ALOX12B: variants seen among roughly 807,000 people sequenced by gnomAD.
The protein encoded by ALOX12B is arachidonate 12-lipoxygenase, 12R-type.
A neutral mutation model predicts 78.9 loss-of-function variants in ALOX12B; 47 were observed. The ratio of observed to expected loss-of-function variants is 0.60; its 90% CI spans 0.47 to 0.76. The LOEUF (loss-of-function observed/expected upper bound fraction) is 0.76, where lower values mean the gene tolerates loss of function less well. ALOX12B is among the 30% of genes least tolerant of loss of function. The pLI, the probability that ALOX12B is intolerant of heterozygous loss-of-function variation, is 0.00. For synonymous variants in ALOX12B, 370 were observed against 374.5 expected, an observed-to-expected ratio of 0.99 and a Z score of 0.14; for missense variants, 805 against 922.6, an observed-to-expected ratio of 0.87 and a Z score of 1.65.
chr17:8,079,653 G>T lies in ALOX12B; in HGVS notation c.928-114C>A. On this transcript the variant is annotated intron_variant, in intron 7 of 14. Coordinates refer to ENST00000647874, the MANE Select transcript of ALOX12B (RefSeq NM_001139.3). The surrounding 1 kb of genome is among the most constrained non-coding windows in gnomAD (Gnocchi z 6.4). ...GGGGCAGGGGTGGGACGGGGACAGG[G>T]ACGCGGGGTGCGGGCTTGCCTGGGA... 1 of 1,533,566 alleles carries T rather than the reference G, an allele frequency of 6.5e-7. No homozygotes were observed. The highest frequency in any genetic ancestry group is 2.3e-4 in the Middle Eastern group (1 of 4,376). 95.0% of individuals were successfully genotyped at this position (1,533,566 alleles called of 1,614,324 possible).
chr17:8,080,347 T>C lies in ALOX12B; in HGVS notation c.651-9A>G. ...CTTTGAAAGCCAGTGCCCTAGGAGA[T>C]GGGATTCCAGGAAGAGGCCTTCAGA... On this transcript the variant is annotated splice_polypyrimidine_tract_variant and intron_variant, in intron 5 of 14. Coordinates refer to ENST00000647874, the MANE Select transcript of ALOX12B (RefSeq NM_001139.3). The surrounding 1 kb of genome is among the most constrained non-coding windows in gnomAD (Gnocchi z 4.8). The C allele has an allele frequency of 1.2e-6, 2 of 1,614,010 alleles. No individual in the cohort carries two copies. Among genetic ancestry groups the C allele is most frequent in the Non-Finnish European group, 1.7e-6 (2 of 1,179,916 alleles).
At position 8,086,216 on chromosome 17, in the gene ALOX12B, C is replaced by G. The variant is rs779784019; in HGVS notation, c.152G>C (p.Gly51Ala). Reference protein sequence around the residue: ...FGRDFATGAVGQYTVQCPQDL... With the variant: ...FGRDFATGAVAQYTVQCPQDL... ...CTGAGGGCACTGCACGGTGTACTGG[C>G]CCACCTAGGCAGGATGCAAGCCTGG... Residue 51 changes from glycine (G) to alanine (A), a missense_variant, in exon 2 of 15, where the codon GGC becomes GCC. Coordinates refer to ENST00000647874, the MANE Select transcript of ALOX12B (RefSeq NM_001139.3). 2.5e-6 allele frequency: 4 copies of G among 1,613,714 alleles called. No homozygotes were observed. In the Admixed American group the frequency reaches 5.0e-5, roughly 20 times the overall value.
chr17:8,077,699 C>CT (rs1977117355), intron 8 of ALOX12B, among the ~76,000 whole-genome samples: 4 of 152,208 alleles, frequency 2.6e-5, no homozygotes, highest in African/African-American at 9.7e-5. Context: ...AAGGAAACAC[C>CT]CAGTTCCTTC....
Position 8,073,245 on chromosome 17 carries a change from G to A in ALOX12B, c.1829C>T (p.Thr610Ile), listed in dbSNP as rs773052129. The part of the protein sequence containing the change: ...RNPPIQTKGL[T>I]TLETFMDTLP... ...CGTGTCCATGAAGGTCTCCAGAGTG[G>A]TCAGCCCCTTAGTCTGAATCGGTGG... Residue 610 changes from threonine to isoleucine, a missense_variant, in exon 14 of 15, where the codon ACC (threonine) becomes ATC (isoleucine). By Grantham distance (89) the Thr-to-Ile change is moderately conservative. Coordinates refer to ENST00000647874, the MANE Select transcript of ALOX12B (RefSeq NM_001139.3). 114 of 1,614,092 alleles carry A rather than the reference G, an allele frequency of 7.1e-5. No homozygotes were observed. The highest frequency in any genetic ancestry group is 8.3e-5 in the Non-Finnish European group (98 of 1,180,052).
chr17:8,083,497 A>C (rs1029591456), intron 2 of ALOX12B, among the ~76,000 whole-genome samples: 2 of 152,118 alleles, frequency 1.3e-5, no homozygotes, highest in Admixed American at 6.5e-5. Flanking sequence ...TTGGGCGGCC[A>C]AGGCAGGTGG....
chr17:8,086,344 G>C, intron 1 of ALOX12B, 124 bp from the exon 2 acceptor site: 1 of 954,664 alleles, frequency 1.0e-6, no homozygotes, highest in East Asian at 2.6e-5. Context: ...CTGGACTGAC[G>C]GAGGGACAGG....
intron 12 of ALOX12B, among the ~76,000 whole-genome samples, chr17:8,074,368 G>A (rs374881427): frequency 9.9e-5 from 15 of 151,906 alleles, no homozygotes; most frequent in African/African-American, 2.9e-4. Context: ...CTCCCTAACC[G>A]CTCCTCCTTT....
Position 8,079,668 on chromosome 17 carries a change from C to T in ALOX12B, c.927+101G>A, listed in dbSNP as rs1025001517. 5.1e-5 allele frequency: 79 copies of T among 1,539,012 alleles called. No individual in the cohort carries two copies. Among genetic ancestry groups the T allele is most frequent in the Non-Finnish European group, 6.8e-5 (77 of 1,140,188 alleles). On this transcript the variant is annotated intron_variant, in intron 7 of 14. Transcript: ENST00000647874. The surrounding 1 kb of genome is among the most constrained non-coding windows in gnomAD (Gnocchi z 6.4). ...CGGGGACAGGGACGCGGGGTGCGGG[C>T]TTGCCTGGGACTGGCGCGGGCGCCG...
At chr17:8,073,818 A>C (rs1977031709) in intron 12 of ALOX12B, 61 bp from the exon 13 acceptor site, 1 of 1,355,156 alleles carries the variant, frequency 7.4e-7, no homozygotes. Context: ...GCTGCCCGGC[A>C]GAGGGCGCCA....
Position 8,086,023 on chromosome 17 carries a change from C to A in ALOX12B, c.345G>T (p.Glu115Asp), listed in dbSNP as rs368442508. The change falls in exon 2 of 15, where the codon GAG becomes GAT. Residue 115 changes from glutamate (E) to aspartate (D), a missense_variant. Transcript: ENST00000647874. ...MDGYETLALR[E>D]ATGKTTADDS... ...AGGGTGATGAGGGCTTACCTGTGGC[C>A]TCCCGGAGTGCCAGGGTCTCGTAGC... The A allele has an allele frequency of 6.8e-6, 11 of 1,614,138 alleles. No homozygotes were observed. Among genetic ancestry groups the A allele is most frequent in the Non-Finnish European group, 9.3e-6 (11 of 1,180,008 alleles).
intron 2 of ALOX12B, among the ~76,000 whole-genome samples, chr17:8,082,113 C>A (rs1414834033): frequency 6.6e-6 from 1 of 152,128 alleles, no homozygotes; most frequent in Non-Finnish European, 1.5e-5. Flanking sequence ...TGTATATATA[C>A]CACATTTTCT....
At chr17:8,083,298 A>T (rs1978289475) in intron 2 of ALOX12B, among the ~76,000 whole-genome samples, 1 of 152,200 alleles carries the variant, frequency 6.6e-6, no homozygotes, top group African/African-American at 2.4e-5. Context: ...CCCTGGAATC[A>T]ACAGTTTCAG....
chr17:8,073,339 CG>C, intron 13 of ALOX12B, 21 bp from the exon 14 acceptor site: 1 of 1,613,940 alleles, frequency 6.2e-7, no homozygotes, highest in Non-Finnish European at 8.5e-7. Flanking sequence ...GATAGAGGCG[CG>C]GGTCTGGGTG....
intron 12 of ALOX12B, among the ~76,000 whole-genome samples, chr17:8,074,529 C>T (rs944622546): frequency 6.6e-6 from 1 of 151,578 alleles, no homozygotes; most frequent in Non-Finnish European, 1.5e-5. Flanking sequence ...CTCTGGAATT[C>T]TCTGTGGCAT....
intron 2 of ALOX12B, 184 bp from the exon 3 acceptor site, chr17:8,081,371 G>A: frequency 1.5e-6 from 1 of 679,564 alleles, no homozygotes; most frequent in South Asian, 1.6e-5. Flanking sequence ...AAGAATCACG[G>A]ACCCACCCTC....
intron 2 of ALOX12B, among the ~76,000 whole-genome samples, chr17:8,085,717 G>C (rs1335015679): frequency 2.0e-5 from 3 of 152,184 alleles, no homozygotes; most frequent in Non-Finnish European, 4.4e-5. Context: ...AGGAGTCAGG[G>C]AGGACTGGAG....
rs546750362 is a variant in ALOX12B at position 8,086,277 on chromosome 17, G to A, written c.148-57C>T. 553 of 1,565,380 alleles carry A rather than the reference G, an allele frequency of 3.5e-4. 1 individual carries two copies. The highest frequency in any genetic ancestry group is 1.7e-3 in the Middle Eastern group (9 of 5,274). On this transcript the variant is annotated intron_variant, in intron 1 of 14. Transcript: ENST00000647874. ...AGGACTTCACCCCGGCTCCCAGGCC[G>A]CCCACCCCTCTGGCCCCTCACCTAG...
At chr17:8,081,369 C>T (rs1185887191) in intron 2 of ALOX12B, 182 bp from the exon 3 acceptor site, 11 of 680,290 alleles carry the variant, frequency 1.6e-5, no homozygotes, top group Admixed American at 6.5e-5. Context: ...AAAAGAATCA[C>T]GGACCCACCC....
chr17:8,075,819 G>T lies in ALOX12B; in HGVS notation c.1533-103C>A, dbSNP rs1977068211. 15 of 1,592,878 alleles carry T rather than the reference G, an allele frequency of 9.4e-6. No homozygotes were observed. In the South Asian group the frequency reaches 1.5e-4, roughly 16 times the overall value. On this transcript the variant is annotated intron_variant, in intron 11 of 14. Coordinates refer to ENST00000647874, the MANE Select transcript of ALOX12B (RefSeq NM_001139.3). ...GGTGCCCTGACCTCAGTTGGCCCCA[G>T]AGCTGCCCCAGGCCTGTGGGAGGGC... is the stretch of plus-strand genomic sequence containing the variant.
Sources: gnomAD v4.1 joint callset for allele counts (sites outside exome capture counted in the v4.1 genomes callset) on GRCh38, gnomAD v4.1.1 for gene constraint, Gnocchi (gnomAD v3.1) non-coding constraint, MANE v1.5 for transcripts, NCBI Gene and HGNC (gene_info 2026-07-23, HGNC 2026-07-21) for gene names.